PCDHGA3: variants seen among roughly 807,000 people sequenced by gnomAD.
PCDHGA3 encodes the protein protocadherin gamma-A3.
In PCDHGA3, 40 loss-of-function variants were observed where a neutral mutation model predicts 58.5. The ratio of observed to expected loss-of-function variants is 0.68; its 90% CI spans 0.53 to 0.89. The LOEUF (loss-of-function observed/expected upper bound fraction) is 0.89, where lower values mean the gene tolerates loss of function less well. PCDHGA3 is among the 40% of genes least tolerant of loss of function. The pLI is 0.00. For synonymous variants in PCDHGA3, 530 were observed against 525.7 expected (o/e 1.01, Z -0.11); for missense variants, 1,223 against 1,195.9 (o/e 1.02, Z -0.33).
intron 1 of PCDHGA3, chr5:141,384,773 A>C (rs775593747): frequency 6.2e-6 from 10 of 1,613,726 alleles, no homozygotes; most frequent in Middle Eastern, 1.6e-4. Flanking sequence ...TACACGGGCG[A>C]GGTGCGCACG....
At chr5:141,359,801 T>A (rs1761323974) in intron 1 of PCDHGA3, among the ~76,000 whole-genome samples, 1 of 152,190 alleles carries the variant, frequency 6.6e-6, no homozygotes, top group Non-Finnish European at 1.5e-5. Context: ...TCTTTTGAAT[T>A]TGGAACTATA....
chr5:141,374,827 T>G, intron 1 of PCDHGA3: 1 of 1,613,964 alleles, frequency 6.2e-7, no homozygotes, highest in Non-Finnish European at 8.5e-7. Flanking sequence ...CTGTCTACCG[T>G]GTAAGTGTTC....
chr5:141,371,143 A>G (rs199674539), intron 1 of PCDHGA3: 355 of 1,613,904 alleles, frequency 2.2e-4, no homozygotes, highest in Middle Eastern at 4.9e-4. Flanking sequence ...TACAGGGTCA[A>G]TGTTGCAGAG....
chr5:141,448,190 C>T (rs1426828578), intron 1 of PCDHGA3, among the ~76,000 whole-genome samples: 1 of 152,118 alleles, frequency 6.6e-6, no homozygotes, highest in Non-Finnish European at 1.5e-5. Flanking sequence ...GTTATGTACA[C>T]TTACAAACAT....
Position 141,512,836 on chromosome 5 carries a change from T to G in PCDHGA3, c.*1663T>G, listed in dbSNP as rs1024777792. On this transcript the variant is annotated 3_prime_UTR_variant, in exon 4 of 4. Transcript: ENST00000253812. ...GGCGACCCCCTCCCCCGTACTGACTTCTCCTATAAGCGCTTCTCTTCGCAT... is the reference window on the plus strand; with the variant it reads ...GGCGACCCCCTCCCCCGTACTGACTGCTCCTATAAGCGCTTCTCTTCGCAT... 2 of 152,222 alleles carry G rather than the reference T, an allele frequency of 1.3e-5. No homozygotes were observed. Among genetic ancestry groups the G allele is most frequent in the African/African-American group, 4.8e-5 (2 of 41,412 alleles). The allele number at this position is 152,222 out of a possible 1,614,324, so 9.4% of individuals were successfully genotyped here. A position where few individuals can be genotyped will look rare whatever the true frequency, so the allele number is the denominator to read the frequency against.
chr5:141,404,725 G>A (rs1381392805), intron 1 of PCDHGA3: 1 of 1,613,980 alleles, frequency 6.2e-7, no homozygotes, highest in Non-Finnish European at 8.5e-7. Context: ...TGACCAAGGT[G>A]GTGGCAGTGG....
At position 141,383,772 on chromosome 5, in the gene PCDHGA3, G is replaced by A. The variant is rs187406135; in HGVS notation, c.2424+37315G>A. The A allele has an allele frequency of 1.7e-5, 27 of 1,613,982 alleles. No homozygotes were observed. Among genetic ancestry groups the A allele is most frequent in the Admixed American group, 8.3e-5 (5 of 60,026 alleles). ...AAATAACTCCTAAACTTCCAAAGAT[G>A]TTTCATCTGAACTCGCTTACAGGAG... is the stretch of plus-strand genomic sequence containing the variant. On this transcript the variant is annotated intron_variant, in intron 1 of 3. Transcript: ENST00000253812.
intron 2 of PCDHGA3, among the ~76,000 whole-genome samples, chr5:141,500,666 G>A (rs567881941): frequency 3.6e-4 from 55 of 152,250 alleles, no homozygotes; most frequent in African/African-American, 1.3e-3. Context: ...AGGCCATACT[G>A]TCCAACAGAA....
rs1476081470 is a variant in PCDHGA3, at chr5:141,432,757, C to G, written c.2425-62050C>G. 2.5e-6 allele frequency: 4 copies of G among 1,614,150 alleles called. No homozygotes were observed. The highest frequency in any genetic ancestry group is 1.3e-5 in the African/African-American group (1 of 75,076). ...TCACGCTCACCGTGGCCGTGGCCGA[C>G]AGCATCCCCCAAGTCCTGGCGGACC... On this transcript the variant is annotated intron_variant, in intron 1 of 3. Coordinates refer to ENST00000253812, the MANE Select transcript of PCDHGA3 (RefSeq NM_018916.4). This position sits in a 1 kb window ranked among gnomAD's most constrained non-coding sequence, Gnocchi z 6.0.
intron 1 of PCDHGA3, among the ~76,000 whole-genome samples, chr5:141,354,833 G>T (rs1281888392): frequency 1.3e-5 from 2 of 152,148 alleles, no homozygotes. Flanking sequence ...GGAAGACTTG[G>T]ATCATTCTTG....
chr5:141,420,251 G>A lies in PCDHGA3; in HGVS notation c.2424+73794G>A, dbSNP rs778777293. ...TAGCATTTTAACTCCCAGCGTTGAA[G>A]CAGATAAGAAGATTCTTAAACAGGT... is the stretch of plus-strand genomic sequence containing the variant. On this transcript the variant is annotated intron_variant, in intron 1 of 3. Transcript: ENST00000253812. The A allele has an allele frequency of 2.9e-5, 46 of 1,578,746 alleles. No homozygotes were observed. In the South Asian group the frequency reaches 4.5e-4, roughly 15 times the overall value.
chr5:141,477,970 T>G lies in PCDHGA3; in HGVS notation c.2425-16837T>G. ...TCTTGGGATCCCCTAACCAGAGCCTTTTTGCCATAGGGCTGCACACTGGTC... is the reference window on the plus strand; with the variant it reads ...TCTTGGGATCCCCTAACCAGAGCCTGTTTGCCATAGGGCTGCACACTGGTC... On this transcript the variant is annotated intron_variant, in intron 1 of 3. Coordinates refer to ENST00000253812, the MANE Select transcript of PCDHGA3 (RefSeq NM_018916.4). This position sits in a 1 kb window ranked among gnomAD's most constrained non-coding sequence, Gnocchi z 4.9. 1 of 1,614,090 alleles carries G rather than the reference T, an allele frequency of 6.2e-7. No homozygotes were observed. The highest frequency in any genetic ancestry group is 8.5e-7 in the Non-Finnish European group (1 of 1,180,002).
rs1459105534 is a variant in PCDHGA3 at position 141,366,603 on chromosome 5, C to T, written c.2424+20146C>T. 5 of 1,614,108 alleles carry T rather than the reference C, an allele frequency of 3.1e-6. No homozygotes were observed. The Admixed American group carries it at 8.3e-5, about 27-fold the overall frequency. ...CTGCAGACCTATTCCCACGAGGTCT[C>T]CCTCACCGCGGACTCGAGGAAGAGT... is the stretch of plus-strand genomic sequence containing the variant. On this transcript the variant is annotated intron_variant, in intron 1 of 3. Transcript: ENST00000253812.
intron 1 of PCDHGA3, chr5:141,361,279 G>A (rs1456239638): frequency 1.2e-6 from 2 of 1,613,892 alleles, no homozygotes; most frequent in Middle Eastern, 1.6e-4. Context: ...AAATGGAGAA[G>A]TTTACTGCCA....
intron 1 of PCDHGA3, chr5:141,415,357 C>T: frequency 6.2e-7 from 1 of 1,614,250 alleles, no homozygotes; most frequent in Non-Finnish European, 8.5e-7. Context: ...CAAGTCACGC[C>T]TGCTGCAGGC....
intron 2 of PCDHGA3, among the ~76,000 whole-genome samples, chr5:141,501,530 G>A (rs556760554): frequency 3.5e-4 from 53 of 151,998 alleles, no homozygotes; most frequent in Admixed American, 2.2e-3. Context: ...AGCCCAGTAC[G>A]TTGTTGTGCA....
Position 141,487,295 on chromosome 5 carries a change from T to C in PCDHGA3, c.2425-7512T>C, listed in dbSNP as rs2099642474. The C allele has an allele frequency of 5.6e-6, 9 of 1,614,164 alleles. No individual in the cohort carries two copies. In the East Asian group the frequency reaches 1.3e-4, roughly 24 times the overall value. ...AATTTGCTTTGTCTCCTTTGGCTCA[T>C]TCGTGGCACTACTCTCTAAGTGTCT... On this transcript the variant is annotated intron_variant, in intron 1 of 3. Transcript: ENST00000253812. This position sits in a 1 kb window ranked among gnomAD's most constrained non-coding sequence, Gnocchi z 5.0.
chr5:141,412,131 G>A (rs2095537626), intron 1 of PCDHGA3: 1 of 152,156 alleles, frequency 6.6e-6, no homozygotes, highest in Non-Finnish European at 1.5e-5. Flanking sequence ...CTGGACTTTG[G>A]CCTCTGATAC....
chr5:141,414,792 C>T (rs2095788725), intron 1 of PCDHGA3: 6 of 1,614,230 alleles, frequency 3.7e-6, no homozygotes, highest in African/African-American at 2.7e-5. Flanking sequence ...TGACAGCCAG[C>T]GACAGCGGGG....
Sources: allele counts gnomAD v4.1 joint callset (sites outside exome capture counted in the v4.1 genomes callset), GRCh38; gene constraint gnomAD v4.1.1; non-coding constraint Gnocchi (gnomAD v3.1); transcripts MANE v1.5; gene names NCBI Gene and HGNC (gene_info 2026-07-23, HGNC 2026-07-21).